ZFHX4: variants seen among roughly 807,000 people sequenced by gnomAD.
ZFHX4 encodes the protein zinc finger homeobox protein 4.
ZFHX4 carries 56 observed loss-of-function variants against 267.6 expected under a neutral mutation model. That is an observed-to-expected ratio of 0.21 (90% CI 0.17 to 0.26). The LOEUF (loss-of-function observed/expected upper bound fraction) is 0.26. Among genes scored for constraint, ZFHX4 ranks in the 10% least tolerant of loss-of-function variants. The probability of loss-of-function intolerance (pLI) is 1.00; values close to 1 mark genes in which losing one functional copy is unlikely to be tolerated. For synonymous variants in ZFHX4, 1,778 were observed against 1,665.6 expected, an observed-to-expected ratio of 1.07 and a Z score of -1.64; for missense variants, 4,332 against 4,420.0, an observed-to-expected ratio of 0.98 and a Z score of 0.56.
intron 4 of ZFHX4, among the ~76,000 whole-genome samples, chr8:76,827,486 T>C (rs1325020199): frequency 6.6e-6 from 1 of 152,206 alleles, no homozygotes; most frequent in Non-Finnish European, 1.5e-5. Context: ...CACAAGTTTA[T>C]ACTGAAATTA....
chr8:76,723,663 G>A (rs1808781318), intron 3 of ZFHX4, among the ~76,000 whole-genome samples: 1 of 151,644 alleles, frequency 6.6e-6, no homozygotes, highest in Admixed American at 6.6e-5. Context: ...CAAGCAGGAT[G>A]GACATAGGCT....
At chr8:76,846,560 T>C (rs1812370097) in intron 6 of ZFHX4, among the ~76,000 whole-genome samples, 1 of 152,058 alleles carries the variant, frequency 6.6e-6, no homozygotes, top group South Asian at 2.1e-4. Context: ...TGATACAGCA[T>C]AGAACATCAC....
intron 3 of ZFHX4, 88 bp downstream of exon 3, chr8:76,708,136 GAA>G (rs751858242): frequency 6.7e-7 from 1 of 1,492,636 alleles, no homozygotes; most frequent in Non-Finnish European, 9.1e-7. Flanking sequence ...CCAACTTAAG[GAA>G]AAAAAAAGAG....
At chr8:76,824,397 G>A (rs1811732525) in intron 4 of ZFHX4, among the ~76,000 whole-genome samples, 1 of 152,008 alleles carries the variant, frequency 6.6e-6, no homozygotes, top group African/African-American at 2.4e-5. Flanking sequence ...TATATATTCT[G>A]AGATTGTTCG....
At position 76,852,021 on chromosome 8, in the gene ZFHX4, C is replaced by T. The variant is rs201856490; in HGVS notation, c.5100C>T (p.His1700=). 3.2e-4 allele frequency: 521 copies of T among 1,613,868 alleles called. No homozygotes were observed. The highest frequency in any genetic ancestry group is 3.6e-4 in the South Asian group (33 of 91,084). The change falls in exon 10 of 11, where the codon CAC becomes CAT. Residue 1700 remains histidine (H), a synonymous_variant. Coordinates refer to ENST00000651372, the MANE Select transcript of ZFHX4 (RefSeq NM_024721.5). ...SPAQIQMQLQ[H]ELQQQAAFFQ... ...CACAAATTCAGATGCAACTACAGCA[C>T]GAATTACAACAGCAAGCCGCATTCT... is the stretch of plus-strand genomic sequence containing the variant.
In ZFHX4 at chr8:76,790,865, C is replaced by G. The variant is rs577109116; in HGVS notation, c.3325+12426C>G. Among the ~76,000 whole-genome samples, 7 of 152,212 alleles carry G rather than the reference C, an allele frequency of 4.6e-5. No individual in the cohort carries two copies. The South Asian group carries it at 1.5e-3, about 32-fold the overall frequency. On this transcript the variant is annotated intron_variant, in intron 4 of 10. Coordinates refer to ENST00000651372, the MANE Select transcript of ZFHX4 (RefSeq NM_024721.5). ...GTTCCCAGGGGTAAAGTTTGAGTTT[C>G]CATCCAGCCTTGCATGAGCACTGAA...
chr8:76,792,711 G>A (rs542495605), intron 4 of ZFHX4, among the ~76,000 whole-genome samples: 1 of 152,248 alleles, frequency 6.6e-6, no homozygotes, highest in South Asian at 2.1e-4. Flanking sequence ...GTTGTAACAA[G>A]GTGCCCATGG....
intron 3 of ZFHX4, among the ~76,000 whole-genome samples, chr8:76,749,410 G>T (rs145047569): frequency 6.6e-6 from 1 of 152,114 alleles, no homozygotes; most frequent in Non-Finnish European, 1.5e-5. Flanking sequence ...GAATTCTTAA[G>T]TTTCTTCAGA....
chr8:76,748,323 C>T (rs1809517181), intron 3 of ZFHX4, among the ~76,000 whole-genome samples: 1 of 152,204 alleles, frequency 6.6e-6, no homozygotes, highest in Admixed American at 6.5e-5. Flanking sequence ...ATTTGCTGAG[C>T]CTTCCACCTG....
intron 3 of ZFHX4, among the ~76,000 whole-genome samples, chr8:76,713,631 G>A (rs1433449449): frequency 6.6e-6 from 1 of 152,106 alleles, no homozygotes; most frequent in Admixed American, 6.6e-5. Context: ...ATCCCATGTT[G>A]CAAGATTACC....
chr8:76,732,765 G>A (rs973636253), intron 3 of ZFHX4, among the ~76,000 whole-genome samples: 2 of 152,102 alleles, frequency 1.3e-5, no homozygotes, highest in African/African-American at 2.4e-5. Flanking sequence ...GCATACCTTC[G>A]AAGGATTCTC....
intron 4 of ZFHX4, among the ~76,000 whole-genome samples, chr8:76,791,029 T>G (rs1311417306): frequency 6.6e-6 from 1 of 152,160 alleles, no homozygotes; most frequent in African/African-American, 2.4e-5. Flanking sequence ...CAAAAAACTT[T>G]CAATAAGTTC....
intron 6 of ZFHX4, among the ~76,000 whole-genome samples, chr8:76,843,785 T>A (rs1343957916): frequency 6.6e-6 from 1 of 152,130 alleles, no homozygotes; most frequent in Non-Finnish European, 1.5e-5. Context: ...GCAAAAAATA[T>A]CATTTTTACA....
chr8:76,681,394 C>G lies in ZFHX4; in HGVS notation c.-273C>G, dbSNP rs1807524297. 1 of 398,820 alleles carries G rather than the reference C, an allele frequency of 2.5e-6. No homozygotes were observed. Among genetic ancestry groups the G allele is most frequent in the African/African-American group, 2.1e-5 (1 of 48,580 alleles). The allele number at this position is 398,820 out of a possible 1,614,324, so 24.7% of individuals were successfully genotyped here. On this transcript the variant is annotated 5_prime_UTR_variant, in exon 1 of 11. Coordinates refer to ENST00000651372, the MANE Select transcript of ZFHX4 (RefSeq NM_024721.5). ...CACAACCAAACAGCGAGACCGCGGT[C>G]GGCACATGCTTTAACTCCTCCCGGA...
chr8:76,865,638 G>T lies in ZFHX4; in HGVS notation c.*1073G>T, dbSNP rs901226546. 6.6e-6 allele frequency: 1 copy of T among 152,432 alleles called. No individual in the cohort carries two copies. The highest frequency in any genetic ancestry group is 2.4e-5 in the African/African-American group (1 of 41,368). 9.4% of individuals were successfully genotyped at this position (152,432 alleles called of 1,614,324 possible). A position where few individuals can be genotyped will look rare whatever the true frequency, so the allele number is the denominator to read the frequency against. ...GTACTGTATACTTGAAACTGTTTAA[G>T]TACAAGTTGAACAAAAATTATGAAA... is the stretch of plus-strand genomic sequence containing the variant. On this transcript the variant is annotated 3_prime_UTR_variant, in exon 11 of 11. Coordinates refer to ENST00000651372, the MANE Select transcript of ZFHX4 (RefSeq NM_024721.5).
intron 1 of ZFHX4, among the ~76,000 whole-genome samples, chr8:76,695,434 C>T (rs1459980439): frequency 6.6e-6 from 1 of 152,120 alleles, no homozygotes; most frequent in Non-Finnish European, 1.5e-5. Flanking sequence ...AACATCCAGG[C>T]ATAAAGTACT....
intron 4 of ZFHX4, among the ~76,000 whole-genome samples, chr8:76,827,516 T>A (rs1811818142): frequency 6.6e-6 from 1 of 152,216 alleles, no homozygotes; most frequent in Non-Finnish European, 1.5e-5. Flanking sequence ...AAGGTTGATC[T>A]TTTAATTTCA....
intron 3 of ZFHX4, among the ~76,000 whole-genome samples, chr8:76,746,070 C>G (rs997346235): frequency 7.9e-5 from 12 of 152,136 alleles, no homozygotes; most frequent in Non-Finnish European, 1.6e-4. Context: ...TTTCACCTGG[C>G]TGTAATCCAA....
intron 3 of ZFHX4, among the ~76,000 whole-genome samples, chr8:76,729,478 C>A (rs1808940976): frequency 6.6e-6 from 1 of 152,190 alleles, no homozygotes; most frequent in Admixed American, 6.6e-5. Context: ...ACTTTTTGTA[C>A]AAAATATCTA....
Sources: allele counts gnomAD v4.1 joint callset (sites outside exome capture counted in the v4.1 genomes callset), GRCh38; gene constraint gnomAD v4.1.1; transcripts MANE v1.5; gene names NCBI Gene and HGNC (gene_info 2026-07-23, HGNC 2026-07-21).